The following CDKL2 variants were observed in gnomAD, a reference collection of about 807,000 sequenced individuals.
CDKL2 encodes cyclin dependent kinase like 2.
In CDKL2, 64 loss-of-function variants were observed where a neutral mutation model predicts 63.9. The observed-to-expected ratio is 1.00, with a 90% CI of 0.82 to 1.23. CDKL2 has a LOEUF of 1.23. Among genes scored for constraint, CDKL2 ranks in the 50% most tolerant of loss-of-function variants. The pLI is 0.00. For synonymous variants in CDKL2, 211 were observed against 229.2 expected, an observed-to-expected ratio of 0.92 and a Z score of 0.72; for missense variants, 656 against 668.0, an observed-to-expected ratio of 0.98 and a Z score of 0.20.
Position 75,578,464 on chromosome 4 carries a change from G to C in CDKL2, c.*738C>G, listed in dbSNP as rs1027972259. The stretch of plus-strand genomic sequence containing the variant: ...GAGTTGTAGTAAGTCATTCGAAAGA[G>C]GTTTCTCTGTCACGCTTGCATTAGT... On this transcript the variant is annotated 3_prime_UTR_variant, in exon 14 of 14. Transcript: ENST00000307465. 2 of 152,194 alleles carry C rather than the reference G, an allele frequency of 1.3e-5. No individual in the cohort carries two copies. The highest frequency in any genetic ancestry group is 2.9e-5 in the Non-Finnish European group (2 of 68,038). The allele number at this position is 152,194 out of a possible 1,614,324, so 9.4% of individuals were successfully genotyped here. A position where few individuals can be genotyped will look rare whatever the true frequency, so the allele number is the denominator to read the frequency against.
chr4:75,614,211 G>A (rs1169391501), intron 3 of CDKL2, 44 bp downstream of exon 3: 1 of 1,252,680 alleles, frequency 8.0e-7, no homozygotes, highest in South Asian at 1.4e-5. Context: ...AAGGATTAAT[G>A]AATAAATATG....
At chr4:75,581,367 G>A (rs1234855813) in intron 13 of CDKL2, among the ~76,000 whole-genome samples, 1 of 152,158 alleles carries the variant, frequency 6.6e-6, no homozygotes, top group Non-Finnish European at 1.5e-5. Context: ...AGTATAGTAG[G>A]TTATATCATC....
intron 7 of CDKL2, 83 bp downstream of exon 7, chr4:75,600,198 T>C: frequency 2.3e-6 from 2 of 854,908 alleles, no homozygotes; most frequent in Non-Finnish European, 3.8e-6. Context: ...GGAACAGAAA[T>C]AAGAGAAGTG....
intron 2 of CDKL2, 135 bp from the exon 3 acceptor site, chr4:75,614,584 A>C: frequency 1.8e-6 from 1 of 566,306 alleles, no homozygotes; most frequent in Non-Finnish European, 3.0e-6. Context: ...AAATGCATAC[A>C]TAGTGTAAAT....
intron 2 of CDKL2, among the ~76,000 whole-genome samples, chr4:75,623,201 C>T (rs113684314): frequency 0.012 from 1,789 of 152,174 alleles, 37 homozygotes; most frequent in African/African-American, 0.042. Flanking sequence ...ATCACTTGAG[C>T]CTGGGAGGCA....
rs1439107677 is a variant in CDKL2, at chr4:75,607,215, T to C, written c.510A>G (p.Pro170=). Residue 170 remains proline (P), a synonymous_variant, in exon 4 of 14, where the codon CCA becomes CCG. Coordinates refer to ENST00000307465, the MANE Select transcript of CDKL2 (RefSeq NM_001330724.2). ...ACTTGACATCACCAACCAATAGTTC[T>C]GGAGCTCTGTACCATCGGGTTGCCA... ...DYVATRWYRA[P]ELLVGDVKYG... is the part of the protein sequence containing the mutation. The C allele has an allele frequency of 1.2e-6, 2 of 1,612,674 alleles. No individual in the cohort carries two copies. Among genetic ancestry groups the C allele is most frequent in the Non-Finnish European group, 1.7e-6 (2 of 1,179,104 alleles).
At chr4:75,606,349 G>T (rs1729426550) in intron 4 of CDKL2, among the ~76,000 whole-genome samples, 1 of 151,962 alleles carries the variant, frequency 6.6e-6, no homozygotes, top group African/African-American at 2.4e-5. Context: ...CAAGTAGCTG[G>T]GATTACAGGT....
At chr4:75,596,023 AGGAAGGAAG>A (rs1430988439) in intron 10 of CDKL2, 37 of 50,444 alleles carry the variant, frequency 7.3e-4, no homozygotes, top group Non-Finnish European at 1.1e-3. Context: ...GAAGGAAGGA[AGGAAGGAAG>A]AAAGGAAGGA....
At chr4:75,586,026 A>G (rs1453816070) in intron 12 of CDKL2, among the ~76,000 whole-genome samples, 1 of 152,212 alleles carries the variant, frequency 6.6e-6, no homozygotes, top group Non-Finnish European at 1.5e-5. Flanking sequence ...GTAGACCATA[A>G]AACATGTCTC....
Position 75,596,987 on chromosome 4 carries a change from G to A in CDKL2, c.1270C>T (p.Pro424Ser), listed in dbSNP as rs1430852958. 5.0e-6 allele frequency: 8 copies of A among 1,614,156 alleles called. No individual in the cohort carries two copies. The highest frequency in any genetic ancestry group is 5.9e-6 in the Non-Finnish European group (7 of 1,180,006). Reference protein sequence around the residue: ...PLTHNLSAVAPSINSGMGTET... With the variant: ...PLTHNLSAVASSINSGMGTET... ...GTCCCCATTCCAGAATTAATGCTGG[G>A]AGCAACTGCAGAAAGATTGTGTGTA... Residue 424 changes from proline (P) to serine (S), a missense_variant, in exon 9 of 14, where the codon CCC becomes TCC. Coordinates refer to ENST00000307465, the MANE Select transcript of CDKL2 (RefSeq NM_001330724.2).
chr4:75,597,804 G>A (rs539849971), intron 8 of CDKL2, among the ~76,000 whole-genome samples: 1 of 152,284 alleles, frequency 6.6e-6, no homozygotes, highest in African/African-American at 2.4e-5. Context: ...GTGTCTGTGT[G>A]TATATGTGTT....
chr4:75,614,219 A>G (rs1458951088), intron 3 of CDKL2, 36 bp downstream of exon 3: 2 of 1,328,004 alleles, frequency 1.5e-6, no homozygotes, highest in East Asian at 4.6e-5. Context: ...ATGAATAAAT[A>G]TGTGATAAAG....
At position 75,603,865 on chromosome 4, in the gene CDKL2, A is replaced by G. The variant is rs1729310964; in HGVS notation, c.747T>C (p.Leu249=). Reference sequence around the variant, plus strand: ...CAGAGAGCTTAGGATAGCGTCTTTCAAGAGGTTCTCTTTCCTTGATTTCAG... The same window carrying G: ...CAGAGAGCTTAGGATAGCGTCTTTCGAGAGGTTCTCTTTCCTTGATTTCAG... ...RLPEIKEREP[L]ERRYPKLSEV... The change falls in exon 6 of 14, where the codon CTT becomes CTC. Residue 249 remains leucine, a synonymous_variant. Coordinates refer to ENST00000307465, the MANE Select transcript of CDKL2 (RefSeq NM_001330724.2). 6.2e-7 allele frequency: 1 copy of G among 1,613,652 alleles called. No individual in the cohort carries two copies. The highest frequency in any genetic ancestry group is 8.5e-7 in the Non-Finnish European group (1 of 1,179,774).
chr4:75,624,996 T>A (rs367747882), intron 2 of CDKL2, among the ~76,000 whole-genome samples: 3 of 152,196 alleles, frequency 2.0e-5, no homozygotes, highest in Non-Finnish European at 4.4e-5. Flanking sequence ...AAAATAAACA[T>A]TAACTGAACT....
chr4:75,591,390 G>C (rs1281258709), intron 12 of CDKL2, among the ~76,000 whole-genome samples: 4 of 152,156 alleles, frequency 2.6e-5, no homozygotes, highest in Non-Finnish European at 2.9e-5. Flanking sequence ...GAGGCCAGGA[G>C]TTTTGAGACC....
chr4:75,618,100 CA>C (rs1297914975), intron 2 of CDKL2, among the ~76,000 whole-genome samples: 1,237 of 73,828 alleles, frequency 0.017, 5 homozygotes, highest in Admixed American at 0.025. Context: ...GACTCTGTCT[CA>C]AAAAAAAAAA....
At position 75,598,293 on chromosome 4, in the gene CDKL2, T is replaced by A. The variant is rs190230676; in HGVS notation, c.885-81A>T. The A allele has an allele frequency of 3.1e-4, 255 of 828,386 alleles. 2 individuals carry two copies. The African/African-American group carries it at 3.4e-3, about 11-fold the overall frequency. 51.3% of individuals were successfully genotyped at this position (828,386 alleles called of 1,614,324 possible). A position where few individuals can be genotyped will look rare whatever the true frequency, so the allele number is the denominator to read the frequency against. Reference sequence around the variant, plus strand: ...ATTGACTTTCAAGATATTTATTTTTTAAAAATTGAATGTTAAACTAGTCTA... The same window carrying A: ...ATTGACTTTCAAGATATTTATTTTTAAAAAATTGAATGTTAAACTAGTCTA... On this transcript the variant is annotated intron_variant, in intron 7 of 13. Coordinates refer to ENST00000307465, the MANE Select transcript of CDKL2 (RefSeq NM_001330724.2).
At chr4:75,609,653 A>ATT (rs1444994517) in intron 3 of CDKL2, among the ~76,000 whole-genome samples, 1 of 147,744 alleles carries the variant, frequency 6.8e-6, no homozygotes, top group Non-Finnish European at 1.5e-5. Flanking sequence ...TATATGATAT[A>ATT]TTATATATAT....
intron 6 of CDKL2, among the ~76,000 whole-genome samples, chr4:75,600,970 A>G (rs1219674650): frequency 6.6e-6 from 1 of 152,242 alleles, no homozygotes; most frequent in Non-Finnish European, 1.5e-5. Context: ...TAAGAAATAC[A>G]GGACACAGAA....
Sources: allele counts gnomAD v4.1 joint callset (sites outside exome capture counted in the v4.1 genomes callset), GRCh38; gene constraint gnomAD v4.1.1; transcripts MANE v1.5; gene names NCBI Gene and HGNC (gene_info 2026-07-23, HGNC 2026-07-21).